Variants in KIF6 observed in about 807,000 individuals in gnomAD.
KIF6 encodes kinesin-like protein KIF6.
Under a neutral mutation model 112.7 loss-of-function variants are expected in KIF6, and 106 were observed. The observed-to-expected ratio is 0.94, with a 90% CI of 0.80 to 1.11. The LOEUF (loss-of-function observed/expected upper bound fraction) is 1.11, where lower values mean the gene tolerates loss of function less well. KIF6 is among the 50% of genes least tolerant of loss of function. KIF6 has a pLI of 0.00. For missense variants in KIF6, 929 were observed against 964.0 expected (o/e 0.96, Z 0.48); for synonymous variants, 339 against 339.9 (o/e 1.00, Z 0.03).
intron 13 of KIF6, among the ~76,000 whole-genome samples, chr6:39,536,855 A>G (rs2150555683): frequency 6.6e-6 from 1 of 152,328 alleles, no homozygotes; most frequent in East Asian, 1.9e-4. Context: ...CACATCAAAA[A>G]GCTTATCCAC....
At chr6:39,662,285 T>G (rs1786198437) in intron 3 of KIF6, among the ~76,000 whole-genome samples, 1 of 152,202 alleles carries the variant, frequency 6.6e-6, no homozygotes, top group African/African-American at 2.4e-5. Flanking sequence ...TAAGTTGCTA[T>G]GTGCTTAAAA....
rs757377975 is a variant in KIF6 at position 39,596,155 on chromosome 6, C to A, written c.745G>T (p.Val249Phe). ...ACTCGCTCTGAACCAGCCAGGTCAA[C>A]CAGATGGAGTTTGGCATGTCGTACA... ...ATVRHAKLHL[V>F]DLAGSERVAK... The change falls in exon 7 of 23, where the codon GTT becomes TTT. Residue 249 changes from valine to phenylalanine, a missense_variant. By Grantham distance (50) the Val-to-Phe change is conservative. Transcript: ENST00000287152. 3 of 1,613,904 alleles carry A rather than the reference C, an allele frequency of 1.9e-6. No individual in the cohort carries two copies. The highest frequency in any genetic ancestry group is 2.5e-6 in the Non-Finnish European group (3 of 1,179,980).
chr6:39,555,500 G>C (rs1395958316), intron 10 of KIF6, among the ~76,000 whole-genome samples: 1 of 152,132 alleles, frequency 6.6e-6, no homozygotes, highest in East Asian at 1.9e-4. Context: ...TAGGGGTGGG[G>C]GAGGGTGCTA....
chr6:39,432,326 T>G (rs1178095641), intron 13 of KIF6, among the ~76,000 whole-genome samples: 1 of 152,152 alleles, frequency 6.6e-6, no homozygotes, highest in Non-Finnish European at 1.5e-5. Flanking sequence ...TTGCTGTTAT[T>G]GCTGCGGGAA....
At chr6:39,504,433 T>C (rs947843411) in intron 13 of KIF6, among the ~76,000 whole-genome samples, 1 of 152,164 alleles carries the variant, frequency 6.6e-6, no homozygotes, top group African/African-American at 2.4e-5. Flanking sequence ...CCTTGAAAAC[T>C]GGCACAAGAG....
intron 11 of KIF6, among the ~76,000 whole-genome samples, 163 bp from the exon 12 acceptor site, chr6:39,544,856 T>A (rs1257316834): frequency 2.6e-5 from 4 of 152,162 alleles, no homozygotes; most frequent in Admixed American, 2.0e-4. Flanking sequence ...TGGCTTGGCA[T>A]GTTTTCTCCC....
At chr6:39,626,392 C>T (rs1249087133) in intron 5 of KIF6, among the ~76,000 whole-genome samples, 1 of 152,130 alleles carries the variant, frequency 6.6e-6, no homozygotes, top group East Asian at 1.9e-4. Flanking sequence ...CAGTCTGCTT[C>T]AGGTGGAATA....
Position 39,377,561 on chromosome 6 carries a change from T to TTA in KIF6, c.1861+8060_1861+8061insTA, listed in dbSNP as rs1491320692. Among the ~76,000 whole-genome samples the TTA allele has an allele frequency of 4.6e-5, 7 of 152,310 alleles. No individual in the cohort carries two copies. The East Asian group carries it at 1.3e-3, about 29-fold the overall frequency. The stretch of plus-strand genomic sequence containing the variant: ...GCAAAAAGCATTTCAAAACTCAGTC[T>TTA]TTACCAATTTTACATCAAATGGGAG... On this transcript the variant is annotated intron_variant, in intron 16 of 22. Coordinates refer to ENST00000287152, the MANE Select transcript of KIF6 (RefSeq NM_145027.6).
chr6:39,399,536 A>C (rs1768531361), intron 15 of KIF6, among the ~76,000 whole-genome samples: 1 of 152,236 alleles, frequency 6.6e-6, no homozygotes, highest in African/African-American at 2.4e-5. Flanking sequence ...ACCTTGACTG[A>C]TGACATGCTT....
chr6:39,450,650 C>T (rs1014692058), intron 13 of KIF6, among the ~76,000 whole-genome samples: 7 of 151,998 alleles, frequency 4.6e-5, no homozygotes, highest in Non-Finnish European at 5.9e-5. Flanking sequence ...ACCAAAAACA[C>T]AAAAATTAGC....
intron 13 of KIF6, among the ~76,000 whole-genome samples, chr6:39,455,056 C>T (rs981715328): frequency 1.5e-4 from 22 of 150,078 alleles, no homozygotes; most frequent in African/African-American, 5.3e-4. Flanking sequence ...TAGGCTCCAC[C>T]TCTGGGGGCA....
intron 22 of KIF6, among the ~76,000 whole-genome samples, chr6:39,336,813 C>CT (rs1554194852): frequency 1.3e-5 from 2 of 151,640 alleles, no homozygotes; most frequent in African/African-American, 2.4e-5. Context: ...TTCTTTCTTT[C>CT]TTTTTTTTGA....
rs116265987 is a variant in KIF6 at position 39,590,061 on chromosome 6, G to A, written c.847-3657C>T. On this transcript the variant is annotated intron_variant, in intron 7 of 22. Transcript: ENST00000287152. Reference sequence around the variant, plus strand: ...TGAGGTTTGAGAGAACCAAGTTTCAGTGTAATTGGAAAGGAGGTGGGGAAT... The same window carrying A: ...TGAGGTTTGAGAGAACCAAGTTTCAATGTAATTGGAAAGGAGGTGGGGAAT... 5.3e-3 allele frequency among the ~76,000 whole-genome samples: 807 copies of A among 152,208 alleles called. 6 individuals carry two copies. Among genetic ancestry groups the A allele is most frequent in the African/African-American group, 0.019 (778 of 41,536 alleles).
At chr6:39,421,504 G>T (rs1448840763) in intron 14 of KIF6, among the ~76,000 whole-genome samples, 2 of 152,228 alleles carry the variant, frequency 1.3e-5, no homozygotes, top group African/African-American at 4.8e-5. Flanking sequence ...GTTGGAGGAA[G>T]TGAGCAGAGG....
At position 39,658,176 on chromosome 6, in the gene KIF6, T is replaced by C. The variant is rs558452035; in HGVS notation, c.252-18419A>G. On this transcript the variant is annotated intron_variant, in intron 3 of 22. Coordinates refer to ENST00000287152, the MANE Select transcript of KIF6 (RefSeq NM_145027.6). ...GTTAAGCATTGAGCTGGCATACTCA[T>C]ATATACACAGTCCAAATTCTCATCT... Among the ~76,000 whole-genome samples the C allele has an allele frequency of 5.3e-5, 8 of 152,324 alleles. No individual in the cohort carries two copies. The East Asian group carries it at 1.2e-3, about 22-fold the overall frequency.
At chr6:39,367,068 C>T (rs1286707378) in intron 16 of KIF6, among the ~76,000 whole-genome samples, 3 of 152,106 alleles carry the variant, frequency 2.0e-5, no homozygotes, top group East Asian at 1.9e-4. Context: ...AAACTACCCA[C>T]GTTGTCATGA....
At chr6:39,552,126 C>T (rs1779421020) in intron 10 of KIF6, among the ~76,000 whole-genome samples, 1 of 152,190 alleles carries the variant, frequency 6.6e-6, no homozygotes. Flanking sequence ...CACAAGAATA[C>T]ATACACATCT....
intron 3 of KIF6, among the ~76,000 whole-genome samples, chr6:39,669,057 C>T (rs540375235): frequency 1.2e-4 from 18 of 152,152 alleles, no homozygotes; most frequent in African/African-American, 4.3e-4. Context: ...CCTGTACAGC[C>T]ATTTGATTCA....
chr6:39,435,645 G>A (rs917974885), intron 13 of KIF6, among the ~76,000 whole-genome samples: 2 of 151,074 alleles, frequency 1.3e-5, no homozygotes, highest in African/African-American at 2.4e-5. Flanking sequence ...TTCTGTTCTC[G>A]AGTTACTTTA....
Sources: allele counts gnomAD v4.1 joint callset (sites outside exome capture counted in the v4.1 genomes callset), GRCh38; gene constraint gnomAD v4.1.1; transcripts MANE v1.5; gene names NCBI Gene and HGNC (gene_info 2026-07-23, HGNC 2026-07-21).